The following NOS1 variants were observed in gnomAD, a reference collection of about 807,000 sequenced individuals.
NOS1 encodes NOS type I.
A neutral mutation model predicts 164.5 loss-of-function variants in NOS1; 51 were observed. The ratio of observed to expected loss-of-function variants is 0.31; its 90% CI spans 0.25 to 0.39. NOS1 has a LOEUF of 0.39. NOS1 is among the 10% of genes least tolerant of loss of function. NOS1 has a pLI of 1.00. For synonymous variants in NOS1, 719 were observed against 745.8 expected (o/e 0.96, Z 0.59); for missense variants, 1,362 against 1,885.6 (o/e 0.72, Z 5.14).
chr12:117,243,152 C>T lies in NOS1; in HGVS notation c.2962+145G>A, dbSNP rs1450598243. 7 of 914,530 alleles carry T rather than the reference C, an allele frequency of 7.7e-6. No individual in the cohort carries two copies. In the Admixed American group the frequency reaches 1.1e-4, roughly 14 times the overall value. 56.7% of individuals were successfully genotyped at this position (914,530 alleles called of 1,614,324 possible). ...ACTTGTTTTACTGAGTGTGGGAGAG[C>T]AGCAAAGTATTCATTTTGGTAGGAC... On this transcript the variant is annotated intron_variant, in intron 19 of 28. Coordinates refer to ENST00000317775, the MANE Select transcript of NOS1 (RefSeq NM_000620.5). The surrounding 1 kb of genome is among the most constrained non-coding windows in gnomAD (Gnocchi z 4.3).
chr12:117,232,185 T>C, intron 21 of NOS1, 54 bp from the exon 22 acceptor site: 1 of 1,576,042 alleles, frequency 6.3e-7, no homozygotes, highest in Non-Finnish European at 8.7e-7. Context: ...TGAGTCCAAG[T>C]CGGGGGTTCA....
At chr12:117,336,057 G>A (rs1022192876) in intron 1 of NOS1, among the ~76,000 whole-genome samples, 1 of 152,098 alleles carries the variant, frequency 6.6e-6, no homozygotes, top group Non-Finnish European at 1.5e-5. Flanking sequence ...GGCAGATGAG[G>A]TTCAGGGACA....
intron 27 of NOS1, among the ~76,000 whole-genome samples, chr12:117,219,762 G>A (rs1453542988): frequency 6.6e-6 from 1 of 152,200 alleles, no homozygotes; most frequent in African/African-American, 2.4e-5. Context: ...ATGGGGCAGT[G>A]CTGCAGCTTC....
At chr12:117,305,347 C>G (rs1874082047) in intron 3 of NOS1, among the ~76,000 whole-genome samples, 1 of 151,964 alleles carries the variant, frequency 6.6e-6, no homozygotes, top group African/African-American at 2.4e-5. Context: ...GCCTGTAGTC[C>G]CAGCTACTCG....
At chr12:117,332,796 C>T (rs1050534612) in intron 1 of NOS1, among the ~76,000 whole-genome samples, 1 of 152,038 alleles carries the variant, frequency 6.6e-6, no homozygotes, top group South Asian at 2.1e-4. Flanking sequence ...ACCAAGGAGG[C>T]GGAGGTTGCA....
At chr12:117,317,738 G>C (rs1285037373) in intron 2 of NOS1, among the ~76,000 whole-genome samples, 1 of 152,008 alleles carries the variant, frequency 6.6e-6, no homozygotes, top group East Asian at 1.9e-4. Context: ...CCCCTCTCAG[G>C]TGTCCTTCTC....
At chr12:117,277,268 T>C (rs761151836) in intron 9 of NOS1, among the ~76,000 whole-genome samples, 21 of 151,868 alleles carry the variant, frequency 1.4e-4, no homozygotes, top group African/African-American at 4.3e-4. Flanking sequence ...TCAGATCCTA[T>C]AGAGTTTTAA....
intron 16 of NOS1, chr12:117,256,046 G>A (rs1399308056): frequency 2.9e-6 from 4 of 1,373,408 alleles, no homozygotes; most frequent in South Asian, 3.6e-5. Flanking sequence ...ACCTAGAGGG[G>A]AGAATCGATG....
At chr12:117,224,486 C>T (rs896057169) in intron 25 of NOS1, among the ~76,000 whole-genome samples, 5 of 152,066 alleles carry the variant, frequency 3.3e-5, no homozygotes, top group East Asian at 3.9e-4. Context: ...AGGGTTTCAC[C>T]GTGCTAGCCA....
Position 117,352,879 on chromosome 12 carries a change from C to T in NOS1, c.-421+8633G>A, listed in dbSNP as rs1876689069. ...AAAGTTGAAAGCCATTCTTGCCTCC[C>T]AACTTTATGATAAAGTATTTAAACA... On this transcript the variant is annotated intron_variant, in intron 1 of 28. Coordinates refer to ENST00000317775, the MANE Select transcript of NOS1 (RefSeq NM_000620.5). Among the ~76,000 whole-genome samples the T allele has an allele frequency of 2.0e-5, 3 of 152,072 alleles. 1 individual carries two copies. Among genetic ancestry groups the T allele is most frequent in the African/African-American group, 7.2e-5 (3 of 41,420 alleles).
intron 1 of NOS1, among the ~76,000 whole-genome samples, chr12:117,354,162 A>G (rs1347266402): frequency 6.6e-6 from 1 of 152,186 alleles, no homozygotes; most frequent in Non-Finnish European, 1.5e-5. Context: ...CAAGTCTTGA[A>G]GAAGGGACCC....
chr12:117,314,726 C>A (rs1182015154), intron 2 of NOS1, among the ~76,000 whole-genome samples: 2 of 152,156 alleles, frequency 1.3e-5, no homozygotes, highest in Non-Finnish European at 2.9e-5. Context: ...CCTGCCTCAA[C>A]CTCCCACACA....
At chr12:117,238,621 A>T (rs1869916445) in intron 20 of NOS1, among the ~76,000 whole-genome samples, 1 of 151,998 alleles carries the variant, frequency 6.6e-6, no homozygotes, top group African/African-American at 2.4e-5. Context: ...GGTTCAAGTG[A>T]TTCTCCTGCC....
At chr12:117,264,338 T>A (rs1463768642) in intron 12 of NOS1, among the ~76,000 whole-genome samples, 1 of 152,126 alleles carries the variant, frequency 6.6e-6, no homozygotes, top group Non-Finnish European at 1.5e-5. Flanking sequence ...AGTGGTGTGA[T>A]CATAGCTCAC....
At chr12:117,270,090 CT>C (rs1344241474) in intron 10 of NOS1, among the ~76,000 whole-genome samples, 1 of 152,216 alleles carries the variant, frequency 6.6e-6, no homozygotes, top group Non-Finnish European at 1.5e-5. Flanking sequence ...AAAAAAAGAA[CT>C]CATGACATGC....
chr12:117,210,328 G>C lies in NOS1; in HGVS notation c.*4981C>G. 1.0e-6 allele frequency: 1 copy of C among 985,134 alleles called. No homozygotes were observed. The highest frequency in any genetic ancestry group is 1.2e-6 in the Non-Finnish European group (1 of 829,914). The allele number at this position is 985,134 out of a possible 1,614,324, so 61.0% of individuals were successfully genotyped here. ...TGGATGCAGGAGACTATGAAGGTTG[G>C]GGACAGCCAGAGAGTATGAATGGGT... On this transcript the variant is annotated 3_prime_UTR_variant, in exon 29 of 29. Transcript: ENST00000317775.
intron 1 of NOS1, among the ~76,000 whole-genome samples, chr12:117,346,826 A>G (rs571545208): frequency 6.6e-6 from 1 of 152,322 alleles, no homozygotes; most frequent in African/African-American, 2.4e-5. Context: ...CTTCAACTCA[A>G]ACTATCACCT....
chr12:117,240,941 CTTTT>C (rs11398507), intron 20 of NOS1, among the ~76,000 whole-genome samples: 4 of 138,950 alleles, frequency 2.9e-5, no homozygotes, highest in Non-Finnish European at 6.2e-5. Flanking sequence ...TTTTCTTTTT[CTTTT>C]TTTTTTTTTT....
chr12:117,318,527 C>T (rs1002269085), intron 2 of NOS1, among the ~76,000 whole-genome samples: 4 of 152,210 alleles, frequency 2.6e-5, no homozygotes, highest in Non-Finnish European at 4.4e-5. Context: ...CCAAAAGTTG[C>T]TCTTGCATCT....
Sources: gnomAD v4.1 joint callset for allele counts (sites outside exome capture counted in the v4.1 genomes callset) on GRCh38, gnomAD v4.1.1 for gene constraint, Gnocchi (gnomAD v3.1) non-coding constraint, MANE v1.5 for transcripts, NCBI Gene and HGNC (gene_info 2026-07-23, HGNC 2026-07-21) for gene names.